Variants in ERCC6L2 observed in about 807,000 individuals in gnomAD.
The protein encoded by ERCC6L2 is DNA excision repair protein ERCC-6-like 2.
A neutral mutation model predicts 132.0 loss-of-function variants in ERCC6L2; 77 were observed. That is an observed-to-expected ratio of 0.58 (90% CI 0.49 to 0.71). ERCC6L2 has a LOEUF of 0.71. ERCC6L2 is among the 30% of genes least tolerant of loss of function. The pLI is 0.00. For missense variants in ERCC6L2, 1,542 were observed against 1,837.6 expected, an observed-to-expected ratio of 0.84 and a Z score of 2.94; for synonymous variants, 583 against 632.4, an observed-to-expected ratio of 0.92 and a Z score of 1.17.
chr9:95,922,047 G>A (rs1259309150), intron 7 of ERCC6L2, among the ~76,000 whole-genome samples: 2 of 152,150 alleles, frequency 1.3e-5, no homozygotes, highest in African/African-American at 4.8e-5. Flanking sequence ...ATCACTGTGT[G>A]TCATGAGGAT....
rs1262958317 is a variant in ERCC6L2, at chr9:95,972,687, T to C, written c.2936T>C (p.Ile979Thr). The change falls in exon 16 of 19, where the codon ATC becomes ACC. Residue 979 changes from isoleucine (I) to threonine (T), a missense_variant. Transcript: ENST00000653738. ...SILKRKGTSD[I>T]SDESDDIEIS... ...TTGAAAAGAAAAGGCACCAGTGATA[T>C]CAGTGATGAATCTGATGACATTGAA... is the stretch of plus-strand genomic sequence containing the variant. 2.3e-6 allele frequency: 3 copies of C among 1,300,528 alleles called. No homozygotes were observed. Among genetic ancestry groups the C allele is most frequent in the South Asian group, 1.2e-5 (1 of 80,972 alleles). The allele number at this position is 1,300,528 out of a possible 1,614,324, so 80.6% of individuals were successfully genotyped here.
chr9:95,980,299 G>A (rs1157007185), intron 17 of ERCC6L2, among the ~76,000 whole-genome samples: 2 of 152,120 alleles, frequency 1.3e-5, no homozygotes, highest in African/African-American at 4.8e-5. Flanking sequence ...ACCCTTCGAG[G>A]CCATCTATCT....
At chr9:95,928,257 T>C in intron 10 of ERCC6L2, 107 bp downstream of exon 10, 1 of 674,086 alleles carries the variant, frequency 1.5e-6, no homozygotes, top group East Asian at 2.8e-5. Flanking sequence ...TTCTCTTATC[T>C]ACACAGTAGG....
intron 11 of ERCC6L2, among the ~76,000 whole-genome samples, chr9:95,934,589 T>C (rs1018348506): frequency 6.6e-6 from 1 of 152,112 alleles, no homozygotes; most frequent in African/African-American, 2.4e-5. Flanking sequence ...AAAAAGACTC[T>C]GTAGCATGAA....
At chr9:95,903,834 C>T (rs1313187646) in intron 3 of ERCC6L2, among the ~76,000 whole-genome samples, 2 of 151,990 alleles carry the variant, frequency 1.3e-5, no homozygotes, top group Middle Eastern at 6.8e-3. Flanking sequence ...AAATTGGAAT[C>T]TTTGCTAGAA....
intron 17 of ERCC6L2, among the ~76,000 whole-genome samples, chr9:95,988,890 T>A (rs1367500465): frequency 1.3e-5 from 2 of 152,236 alleles, no homozygotes; most frequent in African/African-American, 4.8e-5. Context: ...ACCCAGTTTG[T>A]TTTACCTGTG....
Position 95,941,581 on chromosome 9 carries a change from C to A in ERCC6L2, c.1847+32C>A, listed in dbSNP as rs764118420. On this transcript the variant is annotated intron_variant, in intron 12 of 18. Transcript: ENST00000653738. ...TACTGACAAAATTTAAAGTGATCTG[C>A]AAATACTTTTAATCTAAAAATACTC... 4.2e-6 allele frequency: 6 copies of A among 1,437,368 alleles called. No individual in the cohort carries two copies. In the East Asian group the frequency reaches 1.1e-4, roughly 27 times the overall value. 89.0% of individuals were successfully genotyped at this position (1,437,368 alleles called of 1,614,324 possible).
rs1491227152 is a variant in ERCC6L2, at chr9:95,899,631, T to TGTGTGC, written c.594+1661_594+1662insTGTGCG. 3.7e-5 allele frequency among the ~76,000 whole-genome samples: 5 copies of TGTGTGC among 134,516 alleles called. No homozygotes were observed. The East Asian group carries it at 6.5e-4, about 18-fold the overall frequency. The allele number at this position is 134,516 out of a possible 152,430, so 88.2% of individuals were successfully genotyped here. On this transcript the variant is annotated intron_variant, in intron 3 of 18. Transcript: ENST00000653738. ...GTGTGTGTGTGTGTGTGTGTGTGTGTGCGTATGTATGCATATGCGATGTAT... is the reference window on the plus strand; with the variant it reads ...GTGTGTGTGTGTGTGTGTGTGTGTGTGTGTGCGCGTATGTATGCATATGCGATGTAT...
In ERCC6L2 at chr9:96,013,439, A is replaced by G. The variant is rs1226533420; in HGVS notation, c.*236A>G. On this transcript the variant is annotated 3_prime_UTR_variant, in exon 19 of 19. Coordinates refer to ENST00000653738, the MANE Select transcript of ERCC6L2 (RefSeq NM_020207.7). ...TATAAACCTCTGTTATGAATTAGAA[A>G]AGATTCTAGGTTTGTTAATAGGAGA... 4.1e-6 allele frequency: 1 copy of G among 244,532 alleles called. No individual in the cohort carries two copies. Among genetic ancestry groups the G allele is most frequent in the South Asian group, 6.1e-5 (1 of 16,484 alleles). The allele number at this position is 244,532 out of a possible 1,614,324, so 15.1% of individuals were successfully genotyped here.
chr9:95,921,067 G>T, intron 6 of ERCC6L2, 108 bp from the exon 7 acceptor site: 6 of 1,076,770 alleles, frequency 5.6e-6, no homozygotes, highest in South Asian at 1.8e-5. Flanking sequence ...GAGCCTCTGC[G>T]CCCGGCCAGT....
chr9:95,891,167 C>G (rs1043320884), intron 2 of ERCC6L2, among the ~76,000 whole-genome samples: 32 of 152,116 alleles, frequency 2.1e-4, no homozygotes, highest in African/African-American at 6.5e-4. Context: ...GAGTCAAGAT[C>G]GCACCATTGC....
At chr9:95,921,115 T>C in intron 6 of ERCC6L2, 60 bp from the exon 7 acceptor site, 1 of 1,452,200 alleles carries the variant, frequency 6.9e-7, no homozygotes, top group East Asian at 2.5e-5. Flanking sequence ...ATGTAGATTA[T>C]GATTTTTATT....
At chr9:95,928,560 A>C (rs547175849) in intron 10 of ERCC6L2, among the ~76,000 whole-genome samples, 159 bp from the exon 11 acceptor site, 1 of 152,324 alleles carries the variant, frequency 6.6e-6, no homozygotes, top group East Asian at 1.9e-4. Context: ...GGGAATAAAT[A>C]TATGGGTCAG....
chr9:95,921,381 A>T, intron 7 of ERCC6L2, 66 bp downstream of exon 7: 17 of 1,270,646 alleles, frequency 1.3e-5, no homozygotes, highest in Non-Finnish European at 1.7e-5. Context: ...CTAGTGTAAA[A>T]GAAAGTAGCA....
At position 95,881,057 on chromosome 9, in the gene ERCC6L2, C is replaced by G. The variant is rs184611791; in HGVS notation, c.235C>G (p.Pro79Ala). The G allele has an allele frequency of 3.7e-6, 6 of 1,613,384 alleles. No individual in the cohort carries two copies. The East Asian group carries it at 1.3e-4, about 36-fold the overall frequency. Residue 79 changes from proline (P) to alanine (A), a missense_variant, in exon 2 of 19, where the codon CCT (proline) becomes GCT (alanine). Physicochemically the swap from Pro to Ala is conservative, Grantham distance 27. Around this residue, in one of 4 missense-constraint regions of ERCC6L2, gnomAD observed 153 missense variants for 132.3 expected, o/e 1.16. Coordinates refer to ENST00000653738, the MANE Select transcript of ERCC6L2 (RefSeq NM_020207.7). The stretch of plus-strand genomic sequence containing the variant: ...AGAAGTGAAATTTGTTAAAGATTGC[C>G]CTAGGAATCTTATATTTGATGATGA... ...LQEVKFVKDC[P>A]RNLIFDDEDL...
intron 2 of ERCC6L2, among the ~76,000 whole-genome samples, chr9:95,888,660 T>C (rs988966426): frequency 4.6e-5 from 7 of 152,194 alleles, no homozygotes; most frequent in Non-Finnish European, 1.0e-4. Context: ...TTCCTTTGCC[T>C]TCTTAGAGTT....
intron 2 of ERCC6L2, among the ~76,000 whole-genome samples, chr9:95,888,386 A>T (rs1007706729): frequency 6.6e-6 from 1 of 152,162 alleles, no homozygotes; most frequent in African/African-American, 2.4e-5. Flanking sequence ...TCCCAGAGTG[A>T]TATTTCATTT....
Position 96,015,262 on chromosome 9 carries a change from C to T in ERCC6L2, c.*2059C>T, listed in dbSNP as rs1834160900. ...AGTGCAGTGGCTCGATCTTGGCTCA[C>T]TGCAGCCTCCGCCCCCCGAGTCAAG... On this transcript the variant is annotated 3_prime_UTR_variant, in exon 19 of 19. Coordinates refer to ENST00000653738, the MANE Select transcript of ERCC6L2 (RefSeq NM_020207.7). Among the ~76,000 whole-genome samples the T allele has an allele frequency of 1.3e-5, 2 of 151,202 alleles. No individual in the cohort carries two copies. The highest frequency in any genetic ancestry group is 4.9e-5 in the African/African-American group (2 of 41,174).
intron 17 of ERCC6L2, among the ~76,000 whole-genome samples, chr9:95,992,236 T>TG (rs1833327918): frequency 6.6e-6 from 1 of 152,208 alleles, no homozygotes; most frequent in Admixed American, 6.5e-5. Context: ...TAACATGTAA[T>TG]GGGCTTTTGT....
Sources: allele counts gnomAD v4.1 joint callset (sites outside exome capture counted in the v4.1 genomes callset), GRCh38; gene constraint gnomAD v4.1.1; regional missense constraint gnomAD v4.1.1; transcripts MANE v1.5; gene names NCBI Gene and HGNC (gene_info 2026-07-23, HGNC 2026-07-21).